OTOG: variants seen among roughly 807,000 people sequenced by gnomAD.
The protein encoded by OTOG is otogelin.
OTOG carries 296 observed loss-of-function variants against 313.8 expected under a neutral mutation model. The ratio of observed to expected loss-of-function variants is 0.94; its 90% CI spans 0.86 to 1.04. The LOEUF is 1.04. Among genes scored for constraint, OTOG ranks in the 50% least tolerant of loss-of-function variants. The pLI is 0.00. For synonymous variants in OTOG, 1,533 were observed against 1,554.9 expected, an observed-to-expected ratio of 0.99 and a Z score of 0.33; for missense variants, 3,948 against 3,840.1, an observed-to-expected ratio of 1.03 and a Z score of -0.74.
chr11:17,605,048 C>T (rs1241915956), intron 32 of OTOG, among the ~76,000 whole-genome samples: 3 of 152,362 alleles, frequency 2.0e-5, no homozygotes, highest in South Asian at 4.1e-4. Context: ...ACACACACCT[C>T]GTTGATGATC....
At chr11:17,583,668 T>C (rs543823935) in intron 23 of OTOG, among the ~76,000 whole-genome samples, 6 of 152,350 alleles carry the variant, frequency 3.9e-5, no homozygotes, top group African/African-American at 1.4e-4. Flanking sequence ...TTCTGTTCCA[T>C]TGATCTATTT....
intron 23 of OTOG, among the ~76,000 whole-genome samples, chr11:17,579,025 C>G (rs1227358338): frequency 1.3e-5 from 2 of 152,226 alleles, no homozygotes; most frequent in Non-Finnish European, 2.9e-5. Flanking sequence ...TCCCCAGAAC[C>G]CTGCCATTAA....
intron 15 of OTOG, among the ~76,000 whole-genome samples, chr11:17,565,336 G>GT (rs1026385182): frequency 1.8e-4 from 27 of 151,960 alleles, no homozygotes; most frequent in Middle Eastern, 3.4e-3. Context: ...TGGGGTTATG[G>GT]TTTTTTTTGG....
chr11:17,632,029 G>C (rs1279875948), intron 41 of OTOG, 59 bp from the exon 42 acceptor site: 1 of 1,541,826 alleles, frequency 6.5e-7, no homozygotes, highest in Non-Finnish European at 8.8e-7. Context: ...GAGGGGAGGA[G>C]CTGGGCACTG....
chr11:17,556,043 G>A, intron 7 of OTOG, 146 bp downstream of exon 7: 1 of 633,816 alleles, frequency 1.6e-6, no homozygotes, highest in African/African-American at 1.8e-5. Context: ...AAGCATACTG[G>A]CAGATCACTG....
At chr11:17,570,135 G>A (rs1007034239) in intron 16 of OTOG, 78 bp from the exon 17 acceptor site, 32 of 1,328,550 alleles carry the variant, frequency 2.4e-5, no homozygotes, top group Middle Eastern at 3.6e-4. Flanking sequence ...GAGTCTGAGC[G>A]GGCCAGGCAG....
chr11:17,591,648 T>C (rs1852940027), intron 25 of OTOG, 60 bp downstream of exon 25: 2 of 1,534,952 alleles, frequency 1.3e-6, no homozygotes. Context: ...GGCACTCTGG[T>C]GCTCTGGACT....
chr11:17,641,853 G>T lies in OTOG; in HGVS notation c.8197G>T (p.Glu2733Ter). The change falls in exon 52 of 56, where the codon GAG becomes TAG. Residue 2733 changes from glutamate (E) to a stop codon, truncating the protein, a stop_gained. Coordinates refer to ENST00000399397, the MANE Select transcript of OTOG (RefSeq NM_001292063.2). LOFTEE classifies it high-confidence loss of function. ...LCDIHCEANQ[E>*]YEHPRDLAAC... ...ACCCCGCCCTGGCCTGTAGAACCAG[G>T]AGTACGAGCACCCGCGGGACCTCGC... 1.3e-6 allele frequency: 2 copies of T among 1,549,590 alleles called. No homozygotes were observed. The highest frequency in any genetic ancestry group is 1.7e-6 in the Non-Finnish European group (2 of 1,146,508).
At chr11:17,641,388 G>A (rs1391454032) in intron 51 of OTOG, among the ~76,000 whole-genome samples, 4 of 152,244 alleles carry the variant, frequency 2.6e-5, no homozygotes, top group Admixed American at 6.5e-5. Context: ...TGGTTTGCGT[G>A]CTTGTGTTGC....
At chr11:17,633,900 G>A in intron 43 of OTOG, 26 bp downstream of exon 43, 1 of 1,506,774 alleles carries the variant, frequency 6.6e-7, no homozygotes, top group Non-Finnish European at 8.9e-7. Context: ...CCCTGAGTGG[G>A]GGGCCTCCAA....
At chr11:17,643,598 G>A (rs1244116450) in intron 54 of OTOG, 92 bp downstream of exon 54, 15 of 971,396 alleles carry the variant, frequency 1.5e-5, no homozygotes, top group Non-Finnish European at 2.1e-5. Flanking sequence ...TTCCTGGCCT[G>A]GCACCTAAAA....
intron 22 of OTOG, 82 bp downstream of exon 22, chr11:17,576,993 G>C (rs1852544895): frequency 7.2e-7 from 1 of 1,388,930 alleles, no homozygotes; most frequent in African/African-American, 1.5e-5. Context: ...TGATCAGGCT[G>C]TGGCAAGCCC....
intron 20 of OTOG, 61 bp from the exon 21 acceptor site, chr11:17,576,495 T>A: frequency 1.4e-6 from 2 of 1,396,630 alleles, no homozygotes; most frequent in Non-Finnish European, 2.0e-6. Context: ...TCCCTGTCCT[T>A]GGCAGTCTCT....
In OTOG at chr11:17,595,937, G is replaced by A. The variant is rs2134065063; in HGVS notation, c.3409-101G>A. 3.8e-6 allele frequency: 3 copies of A among 783,188 alleles called. No homozygotes were observed. In the East Asian group the frequency reaches 8.0e-5, roughly 21 times the overall value. The allele number at this position is 783,188 out of a possible 1,614,324, so 48.5% of individuals were successfully genotyped here. A position where few individuals can be genotyped will look rare whatever the true frequency, so the allele number is the denominator to read the frequency against. ...AGATTTTACAAGGACCTGAATATCA[G>A]GGGGCAAGGATCATGGCGGCCACCC... On this transcript the variant is annotated intron_variant, in intron 28 of 55. Transcript: ENST00000399397.
At chr11:17,561,609 A>G in intron 14 of OTOG, 53 bp from the exon 15 acceptor site, 1 of 1,542,608 alleles carries the variant, frequency 6.5e-7, no homozygotes, top group Non-Finnish European at 8.8e-7. Flanking sequence ...CTTGCAGGGC[A>G]GAGTTCCCCT....
chr11:17,610,645 T>A lies in OTOG; in HGVS notation c.5345T>A (p.Leu1782Gln). 1 of 1,550,610 alleles carries A rather than the reference T, an allele frequency of 6.4e-7. No homozygotes were observed. The highest frequency in any genetic ancestry group is 8.7e-7 in the Non-Finnish European group (1 of 1,146,994). The change falls in exon 36 of 56, where the codon CTG (leucine) becomes CAG (glutamine). Residue 1782 changes from leucine (L) to glutamine (Q), a missense_variant. By Grantham distance (113) the Leu-to-Gln change is moderately radical. Coordinates refer to ENST00000399397, the MANE Select transcript of OTOG (RefSeq NM_001292063.2). The part of the protein sequence containing the change: ...AASLSTATDG[L>Q]AATPFMSLES... The stretch of plus-strand genomic sequence containing the variant: ...AGCCTGTCAACAGCCACTGATGGGC[T>A]GGCAGCCACACCCTTCATGTCCCTT...
intron 6 of OTOG, 138 bp downstream of exon 6, chr11:17,553,657 G>A (rs1851995494): frequency 1.3e-6 from 1 of 795,168 alleles, no homozygotes; most frequent in Non-Finnish European, 1.7e-6. Context: ...CACCCAGGCA[G>A]TCTGCACCTG....
At chr11:17,579,855 G>A (rs988805947) in intron 23 of OTOG, among the ~76,000 whole-genome samples, 7 of 152,260 alleles carry the variant, frequency 4.6e-5, no homozygotes, top group Middle Eastern at 3.4e-3. Context: ...CCGGGAGACC[G>A]GGCTCTGGGC....
At chr11:17,613,195 T>TTTTCTTTCTTTCTTTC (rs1191747829) in intron 38 of OTOG, among the ~76,000 whole-genome samples, 1,731 of 64,798 alleles carry the variant, frequency 0.027, 71 homozygotes, top group East Asian at 0.045. Flanking sequence ...TCTTTCTTTC[T>TTTTCTTTCTTTCTTTC]TTTCTTTCTT....
Sources: gnomAD v4.1 joint callset for allele counts (sites outside exome capture counted in the v4.1 genomes callset) on GRCh38, gnomAD v4.1.1 for gene constraint, MANE v1.5 for transcripts, NCBI Gene and HGNC (gene_info 2026-07-23, HGNC 2026-07-21) for gene names.